The following CTNNA3 variants were observed in gnomAD, a reference collection of about 807,000 sequenced individuals.
CTNNA3 encodes the protein catenin alpha-3.
In CTNNA3, 76 loss-of-function variants were observed where a neutral mutation model predicts 95.7. The ratio of observed to expected loss-of-function variants is 0.79; its 90% CI spans 0.66 to 0.96. The LOEUF (loss-of-function observed/expected upper bound fraction) is 0.96, where lower values mean the gene tolerates loss of function less well. Ranked by LOEUF, CTNNA3 falls within the 40% of genes least tolerant of loss-of-function variation. The probability of loss-of-function intolerance (pLI) is 0.00; values close to 1 mark genes in which losing one functional copy is unlikely to be tolerated. For missense variants in CTNNA3, 1,191 were observed against 1,089.8 expected (o/e 1.09, Z -1.31); for synonymous variants, 431 against 374.4 (o/e 1.15, Z -1.74).
At chr10:67,007,886 T>C (rs1852099168) in intron 7 of CTNNA3, among the ~76,000 whole-genome samples, 1 of 152,030 alleles carries the variant, frequency 6.6e-6, no homozygotes, top group South Asian at 2.1e-4. Context: ...CAAAGGAAGC[T>C]ACAGAGGAAG....
chr10:67,176,987 G>GA, intron 7 of CTNNA3: 2 of 496,134 alleles, frequency 4.0e-6, no homozygotes, highest in South Asian at 3.0e-5. Flanking sequence ...TTACAGAGCT[G>GA]AAAGACAGAA....
At chr10:67,273,142 T>C (rs866714232) in intron 5 of CTNNA3, among the ~76,000 whole-genome samples, 18 of 152,130 alleles carry the variant, frequency 1.2e-4, no homozygotes, top group Admixed American at 2.6e-4. Context: ...CTATTCCTCA[T>C]ACCTAAAATG....
chr10:67,155,641 T>G (rs1192275392), intron 7 of CTNNA3, among the ~76,000 whole-genome samples: 1 of 151,992 alleles, frequency 6.6e-6, no homozygotes, highest in Non-Finnish European at 1.5e-5. Flanking sequence ...AAATACAGAT[T>G]GTGTTATAAT....
intron 3 of CTNNA3, among the ~76,000 whole-genome samples, chr10:67,560,786 G>T (rs1044247553): frequency 1.3e-5 from 2 of 152,024 alleles, no homozygotes; most frequent in Non-Finnish European, 2.9e-5. Context: ...TAAAGGGATG[G>T]AGGAAGATCT....
At chr10:67,251,635 G>A (rs550976105) in intron 5 of CTNNA3, among the ~76,000 whole-genome samples, 5 of 152,282 alleles carry the variant, frequency 3.3e-5, no homozygotes, top group African/African-American at 1.2e-4. Context: ...TGAGGAAGAA[G>A]AGGAAGTCAA....
chr10:67,497,301 A>G (rs997096945), intron 5 of CTNNA3, among the ~76,000 whole-genome samples: 1 of 152,110 alleles, frequency 6.6e-6, no homozygotes, highest in African/African-American at 2.4e-5. Context: ...CATGGTATAT[A>G]TGTGCCACAT....
At chr10:66,294,911 A>G (rs920515577) in intron 12 of CTNNA3, among the ~76,000 whole-genome samples, 1 of 149,438 alleles carries the variant, frequency 6.7e-6, no homozygotes, top group Admixed American at 6.8e-5. Flanking sequence ...AGAGAGAGAG[A>G]GAGGGATTTG....
At chr10:66,074,084 G>C (rs1022195849) in intron 14 of CTNNA3, among the ~76,000 whole-genome samples, 4 of 151,834 alleles carry the variant, frequency 2.6e-5, no homozygotes, top group African/African-American at 9.7e-5. Context: ...TCTTATAAAG[G>C]TGTGGAATAA....
chr10:67,008,729 G>GGA (rs1852154760), intron 7 of CTNNA3, among the ~76,000 whole-genome samples: 1 of 152,138 alleles, frequency 6.6e-6, no homozygotes, highest in Non-Finnish European at 1.5e-5. Flanking sequence ...TCATCCTCCA[G>GGA]TAGGCTAGCT....
At chr10:66,494,930 G>C (rs926820986) in intron 11 of CTNNA3, among the ~76,000 whole-genome samples, 1 of 152,162 alleles carries the variant, frequency 6.6e-6, no homozygotes, top group Non-Finnish European at 1.5e-5. Flanking sequence ...GTTGGTGAGA[G>C]AGCACACACG....
intron 13 of CTNNA3, among the ~76,000 whole-genome samples, chr10:66,132,362 C>T (rs1423548279): frequency 2.0e-5 from 3 of 152,158 alleles, no homozygotes; most frequent in Non-Finnish European, 4.4e-5. Flanking sequence ...TACCATCTCA[C>T]ACCAGTCAAA....
chr10:67,667,020 C>T (rs1292395369), intron 1 of CTNNA3, among the ~76,000 whole-genome samples: 3 of 152,026 alleles, frequency 2.0e-5, no homozygotes, highest in African/African-American at 7.2e-5. Flanking sequence ...ATTAGAAAAT[C>T]GAAAACAAAT....
intron 7 of CTNNA3, among the ~76,000 whole-genome samples, chr10:66,825,733 C>T (rs1309834108): frequency 2.6e-5 from 4 of 152,148 alleles, no homozygotes; most frequent in African/African-American, 4.8e-5. Flanking sequence ...CATCAGAACA[C>T]TGCCTCTGTT....
chr10:66,347,497 C>A (rs117686716), intron 12 of CTNNA3, among the ~76,000 whole-genome samples: 7,092 of 151,782 alleles, frequency 0.047, 263 homozygotes, highest in Non-Finnish European at 0.062. Context: ...ATCTGCGGTT[C>A]CAGCTATTCA....
At chr10:66,532,640 A>T (rs1841510499) in intron 10 of CTNNA3, among the ~76,000 whole-genome samples, 2 of 152,146 alleles carry the variant, frequency 1.3e-5, no homozygotes, top group African/African-American at 4.8e-5. Flanking sequence ...CCATTTATCT[A>T]AGTTAGAGAG....
At chr10:67,005,682 C>CT (rs11369576) in intron 7 of CTNNA3, among the ~76,000 whole-genome samples, 7,564 of 61,742 alleles carry the variant, frequency 0.12, 1,409 homozygotes, top group East Asian at 0.22. Flanking sequence ...TTTACTCCAT[C>CT]TTTTTTTTTT....
chr10:66,244,731 A>T (rs2090240737), intron 13 of CTNNA3, among the ~76,000 whole-genome samples: 1 of 152,204 alleles, frequency 6.6e-6, no homozygotes, highest in Admixed American at 6.5e-5. Flanking sequence ...ACAATGTCGA[A>T]GTCATTTTTA....
Position 65,942,310 on chromosome 10 carries a change from A to G in CTNNA3, c.2401-21693T>C, listed in dbSNP as rs192136430. On this transcript the variant is annotated intron_variant, in intron 17 of 17. Coordinates refer to ENST00000433211, the MANE Select transcript of CTNNA3 (RefSeq NM_013266.4). The stretch of plus-strand genomic sequence containing the variant: ...CCAGGAGGCTGAGATGGGCAGATCA[A>G]GAAGTCAAGAGATCGAGACCATCCT... Among the ~76,000 whole-genome samples, 416 of 152,202 alleles carry G rather than the reference A, an allele frequency of 2.7e-3. 2 individuals are homozygous for G. The highest frequency in any genetic ancestry group is 9.7e-3 in the African/African-American group (405 of 41,548).
intron 12 of CTNNA3, among the ~76,000 whole-genome samples, chr10:66,307,740 C>A (rs1392380322): frequency 6.6e-6 from 1 of 152,192 alleles, no homozygotes; most frequent in Non-Finnish European, 1.5e-5. Context: ...ACTTAAGTTT[C>A]ATTTTTAGTT....
Sources: gnomAD v4.1 joint callset for allele counts (sites outside exome capture counted in the v4.1 genomes callset) on GRCh38, gnomAD v4.1.1 for gene constraint, MANE v1.5 for transcripts, NCBI Gene and HGNC (gene_info 2026-07-23, HGNC 2026-07-21) for gene names.